Variants in WWOX observed in about 807,000 individuals in gnomAD.
WWOX encodes the protein WW domain containing oxidoreductase, also known as WW domain-containing oxidoreductase.
In WWOX, 69 loss-of-function variants were observed where a neutral mutation model predicts 46.2. The ratio of observed to expected loss-of-function variants is 1.49; its 90% CI spans 1.23 to 1.82. WWOX has a LOEUF of 1.82. WWOX is among the 40% of genes most tolerant of loss of function. WWOX has a pLI of 0.00. For synonymous variants in WWOX, 359 were observed against 202.6 expected (o/e 1.77, Z -6.56); for missense variants, 919 against 542.6 (o/e 1.69, Z -6.89).
At chr16:78,801,964 A>G (rs888553206) in intron 8 of WWOX, among the ~76,000 whole-genome samples, 13 of 152,170 alleles carry the variant, frequency 8.5e-5, no homozygotes, top group Admixed American at 7.2e-4. Flanking sequence ...TAAGAACAGA[A>G]TCTGCCTTGC....
chr16:79,144,833 C>A lies in WWOX; in HGVS notation c.1057-66775C>A, dbSNP rs144974800. 4.6e-3 allele frequency among the ~76,000 whole-genome samples: 705 copies of A among 152,208 alleles called. 5 individuals carry two copies. Among genetic ancestry groups the A allele is most frequent in the African/African-American group, 0.016 (668 of 41,512 alleles). ...AGAGAGAGAGACCACATTTATGTAA[C>A]TTTTATTACAATTTATTGTTATAAT... On this transcript the variant is annotated intron_variant, in intron 8 of 8. Coordinates refer to ENST00000566780, the MANE Select transcript of WWOX (RefSeq NM_016373.4).
chr16:78,787,729 A>G (rs371516208), intron 8 of WWOX, among the ~76,000 whole-genome samples: 1 of 152,160 alleles, frequency 6.6e-6, no homozygotes, highest in Non-Finnish European at 1.5e-5. Context: ...TTTAACTTTC[A>G]GAGGAGCCAC....
intron 8 of WWOX, among the ~76,000 whole-genome samples, chr16:78,437,248 T>G (rs576670755): frequency 6.6e-6 from 1 of 152,346 alleles, no homozygotes; most frequent in African/African-American, 2.4e-5. Context: ...TGACTTGCTG[T>G]GACTACGGTG....
At chr16:78,438,141 C>T (rs1000167007) in intron 8 of WWOX, among the ~76,000 whole-genome samples, 1 of 152,070 alleles carries the variant, frequency 6.6e-6, no homozygotes, top group Non-Finnish European at 1.5e-5. Context: ...TCCCAGATAC[C>T]ACGATGCTTT....
At chr16:79,145,836 A>C (rs979000746) in intron 8 of WWOX, among the ~76,000 whole-genome samples, 1 of 152,214 alleles carries the variant, frequency 6.6e-6, no homozygotes, top group Non-Finnish European at 1.5e-5. Flanking sequence ...AACCCCATTC[A>C]AAATATTAAC....
chr16:78,527,456 G>A (rs1294679469), intron 8 of WWOX, among the ~76,000 whole-genome samples: 1 of 151,940 alleles, frequency 6.6e-6, no homozygotes, highest in Admixed American at 6.6e-5. Flanking sequence ...ATCACACCTG[G>A]CTAATTTTTG....
chr16:78,816,860 A>G (rs905274312), intron 8 of WWOX, among the ~76,000 whole-genome samples: 1 of 152,100 alleles, frequency 6.6e-6, no homozygotes, highest in Non-Finnish European at 1.5e-5. Flanking sequence ...TCAGTTTCCA[A>G]AATTTTTCAT....
chr16:78,533,607 T>A (rs1476054703), intron 8 of WWOX, among the ~76,000 whole-genome samples: 1 of 152,130 alleles, frequency 6.6e-6, no homozygotes, highest in Non-Finnish European at 1.5e-5. Context: ...AAGGTACAAC[T>A]AGAAAATCCT....
chr16:79,170,339 C>T (rs1225471716), intron 8 of WWOX, among the ~76,000 whole-genome samples: 2 of 152,182 alleles, frequency 1.3e-5, no homozygotes, highest in Non-Finnish European at 2.9e-5. Flanking sequence ...GGTCCCCCAG[C>T]TAGGAAGTAG....
intron 5 of WWOX, among the ~76,000 whole-genome samples, chr16:78,313,921 C>T (rs781195327): frequency 6.6e-6 from 1 of 152,082 alleles, no homozygotes; most frequent in Non-Finnish European, 1.5e-5. Flanking sequence ...ATTTTTGTCC[C>T]CAGTGACACT....
intron 8 of WWOX, among the ~76,000 whole-genome samples, chr16:79,021,290 C>A (rs761406465): frequency 1.3e-5 from 2 of 152,226 alleles, no homozygotes; most frequent in East Asian, 1.9e-4. Flanking sequence ...GGGTAAGGCA[C>A]GCAGGATGCA....
chr16:78,655,678 G>C (rs2047064633), intron 8 of WWOX, among the ~76,000 whole-genome samples: 1 of 152,240 alleles, frequency 6.6e-6, no homozygotes, highest in African/African-American at 2.4e-5. Flanking sequence ...AGATGCAAGG[G>C]GCTGGGAGGG....
At chr16:78,841,883 C>A (rs1027640990) in intron 8 of WWOX, among the ~76,000 whole-genome samples, 1 of 152,076 alleles carries the variant, frequency 6.6e-6, no homozygotes. Flanking sequence ...TACAATATTT[C>A]TTTTGAAACG....
Position 79,104,049 on chromosome 16 carries a change from G to T in WWOX, c.1057-107559G>T, listed in dbSNP as rs577475431. ...TGGTGCCCTTTTTTGGGGGGGGGGGGGCGGGTGGTGGGGGTACTTACTAAG... is the reference window on the plus strand; with the variant it reads ...TGGTGCCCTTTTTTGGGGGGGGGGGTGCGGGTGGTGGGGGTACTTACTAAG... On this transcript the variant is annotated intron_variant, in intron 8 of 8. Transcript: ENST00000566780. Among the ~76,000 whole-genome samples, 8 of 102,866 alleles carry T rather than the reference G, an allele frequency of 7.8e-5. 1 individual carries two copies. Among genetic ancestry groups the T allele is most frequent in the Non-Finnish European group, 1.6e-4 (8 of 50,318 alleles). 67.5% of individuals were successfully genotyped at this position (102,866 alleles called of 152,430 possible). A position where few individuals can be genotyped will look rare whatever the true frequency, so the allele number is the denominator to read the frequency against.
chr16:78,708,709 A>G (rs564264544), intron 8 of WWOX, among the ~76,000 whole-genome samples: 1 of 152,308 alleles, frequency 6.6e-6, no homozygotes, highest in South Asian at 2.1e-4. Context: ...AAGTGCGTTT[A>G]TTATTGTCCG....
chr16:78,459,083 A>C (rs2083891774), intron 8 of WWOX, among the ~76,000 whole-genome samples: 1 of 152,188 alleles, frequency 6.6e-6, no homozygotes. Context: ...ATGACTTTGG[A>C]AGGACTGATC....
At chr16:78,669,085 C>G (rs1325896098) in intron 8 of WWOX, among the ~76,000 whole-genome samples, 1 of 152,200 alleles carries the variant, frequency 6.6e-6, no homozygotes, top group African/African-American at 2.4e-5. Flanking sequence ...ACAACTGGAG[C>G]TAAGCAGATG....
intron 8 of WWOX, among the ~76,000 whole-genome samples, chr16:78,888,120 G>T (rs190135632): frequency 2.6e-5 from 4 of 152,152 alleles, no homozygotes; most frequent in Non-Finnish European, 5.9e-5. Context: ...TCTTGTTGTA[G>T]TGTCAGTGCC....
chr16:78,918,587 A>G (rs575451696), intron 8 of WWOX, among the ~76,000 whole-genome samples: 1 of 152,128 alleles, frequency 6.6e-6, no homozygotes, highest in Non-Finnish European at 1.5e-5. Context: ...AATGCTTGTT[A>G]CTATTTTGTG....
Sources: allele counts gnomAD v4.1 joint callset (sites outside exome capture counted in the v4.1 genomes callset), GRCh38; gene constraint gnomAD v4.1.1; transcripts MANE v1.5; gene names NCBI Gene and HGNC (gene_info 2026-07-23, HGNC 2026-07-21).